SLC22A25: variants seen among roughly 807,000 people sequenced by gnomAD.
SLC22A25 encodes solute carrier family 22 member 25.
Under a neutral mutation model 45.9 loss-of-function variants are expected in SLC22A25, and 44 were observed. That is an observed-to-expected ratio of 0.96 (90% CI 0.75 to 1.23). SLC22A25 has a LOEUF of 1.23. SLC22A25 is among the 50% of genes most tolerant of loss of function. SLC22A25 has a pLI of 0.00. For synonymous variants in SLC22A25, 283 were observed against 238.6 expected, an observed-to-expected ratio of 1.19 and a Z score of -1.72; for missense variants, 800 against 666.4, an observed-to-expected ratio of 1.20 and a Z score of -2.21.
chr11:63,185,663 A>G (rs2134742122), intron 7 of SLC22A25, among the ~76,000 whole-genome samples: 1 of 145,634 alleles, frequency 6.9e-6, no homozygotes, highest in South Asian at 2.2e-4. Context: ...ATCTAGCATT[A>G]GGTATATCTC....
intron 7 of SLC22A25, among the ~76,000 whole-genome samples, chr11:63,203,908 GA>G (rs959701425): frequency 2.0e-5 from 3 of 152,154 alleles, no homozygotes; most frequent in Non-Finnish European, 4.4e-5. Flanking sequence ...TAGCCAGAGA[GA>G]AAGGTCAGGT....
chr11:63,180,583 T>A, intron 9 of SLC22A25, 77 bp downstream of exon 9: 1 of 1,022,910 alleles, frequency 9.8e-7, no homozygotes, highest in Non-Finnish European at 1.4e-6. Context: ...TCCTTCAACA[T>A]GTTGTATCAT....
chr11:63,210,542 G>T (rs1300796), intron 7 of SLC22A25, among the ~76,000 whole-genome samples: 74,304 of 151,950 alleles, frequency 0.49, 19,124 homozygotes, highest in Non-Finnish European at 0.57. Flanking sequence ...TAACACCCGA[G>T]TGTGGCATTC....
At chr11:63,180,526 T>G (rs1198348828) in intron 9 of SLC22A25, 134 bp downstream of exon 9, 4 of 627,094 alleles carry the variant, frequency 6.4e-6, no homozygotes, top group Non-Finnish European at 1.1e-5. Context: ...CTTTTAAAAA[T>G]AGCAATTCTC....
Position 63,217,322 on chromosome 11 carries a change from C to G in SLC22A25, c.822G>C (p.Leu274=). 6 of 1,613,358 alleles carry G rather than the reference C, an allele frequency of 3.7e-6. No individual in the cohort carries two copies. The highest frequency in any genetic ancestry group is 5.1e-6 in the Non-Finnish European group (6 of 1,179,812). Residue 274 remains leucine, a synonymous_variant, in exon 7 of 12, where the codon CTG becomes CTC. Transcript: ENST00000306494. The stretch of plus-strand genomic sequence containing the variant: ...GAATGCAAGCTCAATACCTTGAGAA[C>G]AGAAAGAAGACAAAGCATGGTGCAG... ...VMSAPCFVFF[L]FSRWLAESAR...
chr11:63,236,235 C>G (rs2090160729), intron 3 of SLC22A25, among the ~76,000 whole-genome samples: 1 of 152,204 alleles, frequency 6.6e-6, no homozygotes, highest in Non-Finnish European at 1.5e-5. Flanking sequence ...TGCCCTGCCC[C>G]CAGAGGTGGA....
chr11:63,217,776 A>G (rs771436105), intron 5 of SLC22A25, 41 bp from the exon 6 acceptor site: 1 of 1,559,208 alleles, frequency 6.4e-7, no homozygotes, highest in Admixed American at 2.1e-5. Flanking sequence ...AACAATAACA[A>G]CCTTTGGGAA....
intron 5 of SLC22A25, among the ~76,000 whole-genome samples, chr11:63,226,121 T>C (rs1355790383): frequency 1.3e-5 from 2 of 152,186 alleles, no homozygotes; most frequent in East Asian, 3.9e-4. Flanking sequence ...CACATATCTG[T>C]CTCTCCAATA....
intron 5 of SLC22A25, among the ~76,000 whole-genome samples, chr11:63,225,046 C>T (rs555500066): frequency 1.5e-4 from 23 of 152,254 alleles, no homozygotes; most frequent in African/African-American, 5.1e-4. Flanking sequence ...TTGCAGTGAG[C>T]CGAGATTGTG....
At chr11:63,183,416 A>G (rs1479960168) in intron 8 of SLC22A25, among the ~76,000 whole-genome samples, 1 of 152,118 alleles carries the variant, frequency 6.6e-6, no homozygotes, top group Non-Finnish European at 1.5e-5. Flanking sequence ...GTTACTTTCT[A>G]TTATGGAGTT....
rs575687914 is a variant in SLC22A25, at chr11:63,238,225, G to T, written c.-576-213C>A. ...TAGGAAGCTGCCTCTAAAACTGTAGGTTATATTAACAACCACTTTTGCTCC... is the reference window on the plus strand; with the variant it reads ...TAGGAAGCTGCCTCTAAAACTGTAGTTTATATTAACAACCACTTTTGCTCC... On this transcript the variant is annotated intron_variant, in intron 2 of 11. Transcript: ENST00000306494. Among the ~76,000 whole-genome samples the T allele has an allele frequency of 7.9e-5, 12 of 152,228 alleles. No homozygotes were observed. In the South Asian group the frequency reaches 1.9e-3, roughly 24 times the overall value.
At chr11:63,243,325 C>T in intron 1 of SLC22A25, 109 bp downstream of exon 1, 1 of 497,736 alleles carries the variant, frequency 2.0e-6, no homozygotes, top group Non-Finnish European at 3.7e-6. Flanking sequence ...ATGATTGAAC[C>T]ATTTGGGATG....
intron 1 of SLC22A25, 187 bp downstream of exon 1, chr11:63,243,247 A>ATGG (rs1276964968): frequency 3.4e-4 from 125 of 362,460 alleles, no homozygotes; most frequent in Non-Finnish European, 6.0e-4. Context: ...CCAGCCGTAC[A>ATGG]TGCACAGGAT....
chr11:63,191,774 G>A (rs912030739), intron 7 of SLC22A25, among the ~76,000 whole-genome samples: 1 of 152,074 alleles, frequency 6.6e-6, no homozygotes, highest in African/African-American at 2.4e-5. Flanking sequence ...TGTGAAATAA[G>A]ACAGTCAGAC....
chr11:63,224,252 A>G (rs1490204752), intron 5 of SLC22A25, among the ~76,000 whole-genome samples: 1 of 152,082 alleles, frequency 6.6e-6, no homozygotes, highest in Non-Finnish European at 1.5e-5. Flanking sequence ...AAGCGTAGCT[A>G]ATCTTGCTCT....
intron 7 of SLC22A25, among the ~76,000 whole-genome samples, chr11:63,212,725 C>A (rs2089606857): frequency 6.6e-6 from 1 of 151,784 alleles, no homozygotes; most frequent in Non-Finnish European, 1.5e-5. Context: ...ATGAGTGCAG[C>A]GTACCAACAT....
intron 7 of SLC22A25, among the ~76,000 whole-genome samples, chr11:63,209,902 C>G (rs1247671821): frequency 1.3e-5 from 2 of 152,188 alleles, no homozygotes; most frequent in Admixed American, 6.5e-5. Context: ...GAGGCCACCC[C>G]TAACCCATGC....
intron 8 of SLC22A25, among the ~76,000 whole-genome samples, chr11:63,182,474 C>CTATA (rs66520129): frequency 7.4e-5 from 11 of 148,556 alleles, no homozygotes; most frequent in Non-Finnish European, 1.5e-4. Context: ...AAGAATTACA[C>CTATA]TATATATATA....
chr11:63,174,673 C>T (rs939671951), intron 9 of SLC22A25, among the ~76,000 whole-genome samples: 11 of 152,094 alleles, frequency 7.2e-5, no homozygotes, highest in Admixed American at 2.0e-4. Flanking sequence ...ATGCATAACA[C>T]GAGTTCTGCC....
Sources: gnomAD v4.1 joint callset for allele counts (sites outside exome capture counted in the v4.1 genomes callset) on GRCh38, gnomAD v4.1.1 for gene constraint, MANE v1.5 for transcripts, NCBI Gene and HGNC (gene_info 2026-07-23, HGNC 2026-07-21) for gene names.